The following IQCH variants were observed in gnomAD, a reference collection of about 807,000 sequenced individuals.
IQCH encodes IQ domain-containing protein H.
IQCH carries 98 observed loss-of-function variants against 117.0 expected under a neutral mutation model. That is an observed-to-expected ratio of 0.84 (90% CI 0.71 to 0.99). The LOEUF is 0.99. IQCH is among the 50% of genes least tolerant of loss of function. The probability of loss-of-function intolerance (pLI) is 0.00; values close to 1 mark genes in which losing one functional copy is unlikely to be tolerated. For missense variants in IQCH, 1,102 were observed against 1,243.8 expected (o/e 0.89, Z 1.72); for synonymous variants, 412 against 448.2 (o/e 0.92, Z 1.02).
chr15:67,372,604 A>G lies in IQCH; in HGVS notation c.1247A>G (p.Lys416Arg), dbSNP rs777612100. ...TTATATTGCCATAAGACTCGACTAA[A>G]GAAGATACTAAAGGAATCACGTCAG... ...WLLYCHKTRL[K>R]KILKESRQRH... The change falls in exon 9 of 21, where the codon AAG (lysine) becomes AGG (arginine). Residue 416 changes from lysine (K) to arginine (R), a missense_variant. Transcript: ENST00000335894. The G allele has an allele frequency of 2.5e-6, 4 of 1,613,882 alleles. No homozygotes were observed. Among genetic ancestry groups the G allele is most frequent in the Non-Finnish European group, 3.4e-6 (4 of 1,179,918 alleles).
chr15:67,348,547 A>AC (rs1969512681), intron 6 of IQCH, among the ~76,000 whole-genome samples: 1 of 152,240 alleles, frequency 6.6e-6, no homozygotes, highest in South Asian at 2.1e-4. Context: ...ATACTTAGGT[A>AC]TAAAGCTAAC....
chr15:67,268,749 T>C (rs1965777513), intron 3 of IQCH, among the ~76,000 whole-genome samples: 1 of 152,068 alleles, frequency 6.6e-6, no homozygotes, highest in Non-Finnish European at 1.5e-5. Context: ...AGTGCAGTTA[T>C]ATACGATATG....
rs1017066333 is a variant in IQCH, at chr15:67,425,213, T to C, written c.2505+3636T>C. 6.6e-6 allele frequency among the ~76,000 whole-genome samples: 1 copy of C among 152,258 alleles called. No individual in the cohort carries two copies. Among genetic ancestry groups the C allele is most frequent in the African/African-American group, 2.4e-5 (1 of 41,476 alleles). On this transcript the variant is annotated intron_variant, in intron 16 of 20. Coordinates refer to ENST00000335894, the MANE Select transcript of IQCH (RefSeq NM_001031715.3). This position sits in a 1 kb window ranked among gnomAD's most constrained non-coding sequence, Gnocchi z 5.5. ...CTGGAGCTCTTTGTATATTGGAAAC[T>C]GTCATTCTTTGACTATTATACATCT...
intron 6 of IQCH, among the ~76,000 whole-genome samples, chr15:67,345,009 G>A (rs1969324215): frequency 6.6e-6 from 1 of 152,148 alleles, no homozygotes; most frequent in Non-Finnish European, 1.5e-5. Flanking sequence ...TTTGTTTTGA[G>A]ATGGAGTTTC....
rs117817908 is a variant in IQCH, at chr15:67,433,961, C to T, written c.2505+12384C>T. Among the ~76,000 whole-genome samples the T allele has an allele frequency of 0.022, 3,296 of 152,114 alleles. 45 individuals carry two copies. The highest frequency in any genetic ancestry group is 0.054 in the Middle Eastern group (16 of 294). On this transcript the variant is annotated intron_variant, in intron 16 of 20. Coordinates refer to ENST00000335894, the MANE Select transcript of IQCH (RefSeq NM_001031715.3). The surrounding 1 kb of genome is among the most constrained non-coding windows in gnomAD (Gnocchi z 5.4). ...CCCAGCTTTATTGAGGTATAACTAA[C>T]CCAAAAAAAGTATTTTTATTTAAGG...
In IQCH at chr15:67,353,371, T is replaced by TA. The variant is rs1308145490; in HGVS notation, c.638-3974_638-3973insA. On this transcript the variant is annotated intron_variant, in intron 6 of 20. Transcript: ENST00000335894. ...TATTTTATATTTATTTATTTTTTTT[T>TA]TTTTTTGAGACAGAGTCTCACTCTG... 7.7e-3 allele frequency among the ~76,000 whole-genome samples: 1,161 copies of TA among 150,640 alleles called. 9 individuals carry two copies. The highest frequency in any genetic ancestry group is 0.01 in the Middle Eastern group (3 of 290).
chr15:67,402,442 A>T (rs11071952), intron 14 of IQCH, among the ~76,000 whole-genome samples: 67,521 of 152,086 alleles, frequency 0.44, 15,976 homozygotes, highest in Non-Finnish European at 0.54. Context: ...GAGTGTAGCT[A>T]TTGAGAATTT....
chr15:67,299,514 A>C (rs953573529), intron 4 of IQCH, among the ~76,000 whole-genome samples: 1 of 152,152 alleles, frequency 6.6e-6, no homozygotes, highest in Non-Finnish European at 1.5e-5. Flanking sequence ...TGATGTAATT[A>C]TTACTCATTA....
In IQCH at chr15:67,472,017, G is replaced by A. The variant is rs148726349; in HGVS notation, c.2677-3679G>A. Among the ~76,000 whole-genome samples, 1 of 152,318 alleles carries A rather than the reference G, an allele frequency of 6.6e-6. No individual in the cohort carries two copies. The highest frequency in any genetic ancestry group is 1.5e-5 in the Non-Finnish European group (1 of 68,032). ...AGAAAGGCCATAGAGAGAGAGAGAT[G>A]TTGCTATTAAAATAGATAACATACA... On this transcript the variant is annotated intron_variant, in intron 17 of 20. Transcript: ENST00000335894. The surrounding 1 kb of genome is among the most constrained non-coding windows in gnomAD (Gnocchi z 4.3).
At position 67,453,167 on chromosome 15, in the gene IQCH, C is replaced by T. The variant is rs1161718043; in HGVS notation, c.2506-11960C>T. The stretch of plus-strand genomic sequence containing the variant: ...GCTTTTAACTTCTTTGCCATTGGTT[C>T]GAATTTCCTCCTGTAGCTCAGAGTA... On this transcript the variant is annotated intron_variant, in intron 16 of 20. Transcript: ENST00000335894. The surrounding 1 kb of genome is among the most constrained non-coding windows in gnomAD (Gnocchi z 5.8). Among the ~76,000 whole-genome samples the T allele has an allele frequency of 6.6e-6, 1 of 152,064 alleles. No homozygotes were observed. The highest frequency in any genetic ancestry group is 1.5e-5 in the Non-Finnish European group (1 of 68,024).
chr15:67,352,204 A>T (rs77715810), intron 6 of IQCH, among the ~76,000 whole-genome samples: 2,643 of 152,264 alleles, frequency 0.017, 39 homozygotes, highest in Non-Finnish European at 0.029. Flanking sequence ...AAAGTTAATA[A>T]ATATCTGTAC....
intron 4 of IQCH, among the ~76,000 whole-genome samples, chr15:67,298,772 ACAAG>A (rs1161114271): frequency 1.3e-5 from 2 of 152,102 alleles, no homozygotes; most frequent in Non-Finnish European, 2.9e-5. Context: ...AGGCTGAGGC[ACAAG>A]AATCACATGA....
intron 4 of IQCH, among the ~76,000 whole-genome samples, chr15:67,280,517 C>A (rs1966309000): frequency 6.6e-6 from 1 of 152,194 alleles, no homozygotes; most frequent in Non-Finnish European, 1.5e-5. Flanking sequence ...TTTGTTTCTT[C>A]ACATGGCAGA....
intron 4 of IQCH, among the ~76,000 whole-genome samples, chr15:67,303,429 A>G (rs553051090): frequency 1.3e-5 from 2 of 152,314 alleles, no homozygotes; most frequent in South Asian, 4.1e-4. Context: ...TTTATGGTAT[A>G]TGCATTATAT....
rs752339949 is a variant in IQCH, at chr15:67,432,467, T to C, written c.2505+10890T>C. ...AGTGTGATACTGTAGACAATTCACT[T>C]GACCAATCTGAGCCTTGTTTTTTTG... On this transcript the variant is annotated intron_variant, in intron 16 of 20. Coordinates refer to ENST00000335894, the MANE Select transcript of IQCH (RefSeq NM_001031715.3). The surrounding 1 kb of genome is among the most constrained non-coding windows in gnomAD (Gnocchi z 5.0). Among the ~76,000 whole-genome samples, 2 of 152,234 alleles carry C rather than the reference T, an allele frequency of 1.3e-5. No homozygotes were observed. Among genetic ancestry groups the C allele is most frequent in the African/African-American group, 2.4e-5 (1 of 41,462 alleles).
At chr15:67,438,315 G>A (rs2082188362) in intron 16 of IQCH, among the ~76,000 whole-genome samples, 1 of 152,116 alleles carries the variant, frequency 6.6e-6, no homozygotes, top group Admixed American at 6.6e-5. Flanking sequence ...CATATATGAA[G>A]GAAAGATACA....
In IQCH at chr15:67,431,906, C is replaced by G. The variant is rs773204141; in HGVS notation, c.2505+10329C>G. Among the ~76,000 whole-genome samples the G allele has an allele frequency of 1.3e-5, 2 of 152,108 alleles. No individual in the cohort carries two copies. The highest frequency in any genetic ancestry group is 1.5e-5 in the Non-Finnish European group (1 of 68,022). On this transcript the variant is annotated intron_variant, in intron 16 of 20. Coordinates refer to ENST00000335894, the MANE Select transcript of IQCH (RefSeq NM_001031715.3). This position sits in a 1 kb window ranked among gnomAD's most constrained non-coding sequence, Gnocchi z 4.8. Reference sequence around the variant, plus strand: ...AAAAAATTAGTTGGGCATGGTGGCACACATCTGTAATCCTACCTACATGGG... The same window carrying G: ...AAAAAATTAGTTGGGCATGGTGGCAGACATCTGTAATCCTACCTACATGGG...
At position 67,357,354 on chromosome 15, in the gene IQCH, C is replaced by CT. The variant is rs1969932715; in HGVS notation, c.648dup (p.Ile217TyrfsTer33). 1.1e-5 allele frequency: 18 copies of CT among 1,607,198 alleles called. No homozygotes were observed. Among genetic ancestry groups the CT allele is most frequent in the Non-Finnish European group, 1.4e-5 (17 of 1,173,628 alleles). On this transcript the variant is annotated frameshift_variant, in exon 7 of 21. Transcript: ENST00000335894. LOFTEE classifies it high-confidence loss of function. ...CTATCTTCATCCACAGCCACTTTCA[C>CT]TATACCTCGGGAACCACCTCCATCT...
At position 67,254,924 on chromosome 15, in the gene IQCH, C is replaced by T. The variant is rs377745050; in HGVS notation, c.28C>T (p.Pro10Ser). The T allele has an allele frequency of 2.0e-5, 33 of 1,613,692 alleles. No homozygotes were observed. Among genetic ancestry groups the T allele is most frequent in the Non-Finnish European group, 2.7e-5 (32 of 1,179,816 alleles). Reference sequence around the variant, plus strand: ...GGCACAGAACACTGAAAACCACGACCCTGTCGGATCCATCTTAATCCAGGT... The same window carrying T: ...GGCACAGAACACTGAAAACCACGACTCTGTCGGATCCATCTTAATCCAGGT... MAQNTENHD[P>S]VGSILIQIHE... Residue 10 changes from proline (P) to serine (S), a missense_variant, in exon 1 of 21, where the codon CCT (proline) becomes TCT (serine). This residue lies in a region of IQCH where 452 missense variants were observed against 449.6 expected (regional missense o/e 1.01). Transcript: ENST00000335894.
Sources: gnomAD v4.1 joint callset for allele counts (sites outside exome capture counted in the v4.1 genomes callset) on GRCh38, gnomAD v4.1.1 for gene constraint, gnomAD v4.1.1 regional missense constraint, Gnocchi (gnomAD v3.1) non-coding constraint, MANE v1.5 for transcripts, NCBI Gene and HGNC (gene_info 2026-07-23, HGNC 2026-07-21) for gene names.